CWF19L2: variants seen among roughly 807,000 people sequenced by gnomAD.
CWF19L2 encodes CWF19-like protein 2.
In CWF19L2, 98 loss-of-function variants were observed where a neutral mutation model predicts 111.7. That is an observed-to-expected ratio of 0.88 (90% confidence interval 0.75 to 1.04). CWF19L2 has a LOEUF of 1.04. CWF19L2 is among the 50% of genes least tolerant of loss of function. The probability of loss-of-function intolerance (pLI) is 0.00; values close to 1 mark genes in which losing one functional copy is unlikely to be tolerated. For synonymous variants in CWF19L2, 351 were observed against 342.9 expected (o/e 1.02, Z -0.26); for missense variants, 1,101 against 1,051.4 (o/e 1.05, Z -0.65).
In CWF19L2 at chr11:107,373,183, G is replaced by A. The variant is rs1447274328; in HGVS notation, c.1872+16891C>T. On this transcript the variant is annotated intron_variant, in intron 12 of 17. Transcript: ENST00000282251. ...TGAGATCAAACTGCAAGGCGGCAGC[G>A]AGGCTAGGGGAGGGGCGCCTGCCAT... Among the ~76,000 whole-genome samples, 10 of 128,692 alleles carry A rather than the reference G, an allele frequency of 7.8e-5. 2 individuals carry two copies. Among genetic ancestry groups the A allele is most frequent in the East Asian group, 6.7e-4 (3 of 4,452 alleles). The allele number at this position is 128,692 out of a possible 152,430, so 84.4% of individuals were successfully genotyped here. A position where few individuals can be genotyped will look rare whatever the true frequency, so the allele number is the denominator to read the frequency against.
At chr11:107,453,742 G>A (rs900571722) in intron 3 of CWF19L2, among the ~76,000 whole-genome samples, 4 of 151,330 alleles carry the variant, frequency 2.6e-5, no homozygotes, top group East Asian at 2.0e-4. Context: ...CCAGCCCCAC[G>A]CCTTGGCTCT....
intron 14 of CWF19L2, chr11:107,348,726 T>C (rs1860115712): frequency 6.7e-6 from 2 of 298,446 alleles, no homozygotes; most frequent in African/African-American, 4.4e-5. Context: ...GTTTATTTCG[T>C]AGATAAAAGG....
chr11:107,444,532 T>C (rs1435937357), intron 3 of CWF19L2, among the ~76,000 whole-genome samples: 1 of 152,228 alleles, frequency 6.6e-6, no homozygotes, highest in Non-Finnish European at 1.5e-5. Flanking sequence ...TCTTTGCCCA[T>C]GACATTTTTC....
chr11:107,385,587 T>C (rs930327727), intron 12 of CWF19L2, among the ~76,000 whole-genome samples: 4 of 152,260 alleles, frequency 2.6e-5, no homozygotes, highest in Non-Finnish European at 5.9e-5. Flanking sequence ...AGCAATCCTA[T>C]ACAATACAGT....
At chr11:107,411,089 G>GCGCACACACA (rs1491125517) in intron 10 of CWF19L2, among the ~76,000 whole-genome samples, 31 of 148,794 alleles carry the variant, frequency 2.1e-4, no homozygotes, top group African/African-American at 7.2e-4. Context: ...GCGCGTGCGT[G>GCGCACACACA]CACACACACA....
intron 12 of CWF19L2, among the ~76,000 whole-genome samples, chr11:107,364,369 C>T (rs111484765): frequency 2.0e-5 from 3 of 148,320 alleles, no homozygotes; most frequent in African/African-American, 7.6e-5. Context: ...ACAGAATATA[C>T]ATTTTTTTCA....
chr11:107,401,471 C>T (rs1324541563), intron 10 of CWF19L2, among the ~76,000 whole-genome samples: 1 of 151,750 alleles, frequency 6.6e-6, no homozygotes, highest in Non-Finnish European at 1.5e-5. Flanking sequence ...GTTACAATAG[C>T]TGCAAAAATA....
intron 10 of CWF19L2, among the ~76,000 whole-genome samples, chr11:107,396,773 G>A (rs1860928573): frequency 6.6e-6 from 1 of 152,130 alleles, no homozygotes; most frequent in South Asian, 2.1e-4. Flanking sequence ...AATCCCGAGA[G>A]GACCCACAGA....
chr11:107,330,609 CCT>C (rs10534114), intron 16 of CWF19L2, among the ~76,000 whole-genome samples: 2 of 148,502 alleles, frequency 1.3e-5, no homozygotes, highest in African/African-American at 2.5e-5. Context: ...TCCTTCCCTC[CCT>C]CTCTCTTTCT....
intron 13 of CWF19L2, among the ~76,000 whole-genome samples, chr11:107,349,444 G>A (rs1037916587): frequency 1.3e-5 from 2 of 152,138 alleles, no homozygotes; most frequent in African/African-American, 4.8e-5. Context: ...ACATGGCCTG[G>A]TAACGGTAGT....
At chr11:107,355,457 A>AC (rs1860223862) in intron 12 of CWF19L2, among the ~76,000 whole-genome samples, 1 of 152,082 alleles carries the variant, frequency 6.6e-6, no homozygotes, top group Admixed American at 6.6e-5. Context: ...AACAACAACA[A>AC]AAAACAAAAC....
rs186191827 is a variant in CWF19L2 at position 107,357,442 on chromosome 11, C to T, written c.1873-3706G>A. Among the ~76,000 whole-genome samples, 26 of 152,202 alleles carry T rather than the reference C, an allele frequency of 1.7e-4. No homozygotes were observed. The East Asian group carries it at 5.0e-3, about 29-fold the overall frequency. On this transcript the variant is annotated intron_variant, in intron 12 of 17. Transcript: ENST00000282251. ...ATAATTGTGCCTTCATATGATATAG[C>T]CCATTGTGTTTTTGGAAAGTTCATA...
intron 10 of CWF19L2, among the ~76,000 whole-genome samples, chr11:107,410,282 TA>T (rs145946143): frequency 7.3e-5 from 11 of 151,328 alleles, no homozygotes; most frequent in African/African-American, 2.2e-4. Context: ...CTCTGATTTC[TA>T]AAAAAAAACC....
At chr11:107,360,245 GATA>G (rs1860305076) in intron 12 of CWF19L2, among the ~76,000 whole-genome samples, 1 of 152,110 alleles carries the variant, frequency 6.6e-6, no homozygotes, top group Non-Finnish European at 1.5e-5. Flanking sequence ...TTTCACTTAA[GATA>G]ATGACTTCCA....
intron 12 of CWF19L2, among the ~76,000 whole-genome samples, chr11:107,385,445 G>T (rs979485741): frequency 6.6e-6 from 1 of 152,002 alleles, no homozygotes; most frequent in African/African-American, 2.4e-5. Context: ...GACTGAATGT[G>T]TATCAGCTGC....
chr11:107,359,533 T>A (rs1860291467), intron 12 of CWF19L2, among the ~76,000 whole-genome samples: 1 of 152,180 alleles, frequency 6.6e-6, no homozygotes, highest in African/African-American at 2.4e-5. Flanking sequence ...GGAGTGACTA[T>A]TACCCTTTGT....
intron 6 of CWF19L2, among the ~76,000 whole-genome samples, chr11:107,434,240 T>C (rs1861509100): frequency 2.0e-5 from 3 of 151,922 alleles, no homozygotes; most frequent in Non-Finnish European, 4.4e-5. Context: ...CTACCTCAGC[T>C]GCAGAACAAA....
intron 10 of CWF19L2, among the ~76,000 whole-genome samples, chr11:107,401,883 C>T (rs1861004718): frequency 6.6e-6 from 1 of 152,112 alleles, no homozygotes. Context: ...TAAAAATAGG[C>T]ATATGGACCA....
chr11:107,345,210 TTTTA>T (rs1421929115), intron 14 of CWF19L2, among the ~76,000 whole-genome samples: 8 of 150,204 alleles, frequency 5.3e-5, no homozygotes, highest in African/African-American at 7.4e-5. Context: ...GCTTATAAAC[TTTTA>T]TTTATTAAGA....
Sources: gnomAD v4.1 joint callset for allele counts (sites outside exome capture counted in the v4.1 genomes callset) on GRCh38, gnomAD v4.1.1 for gene constraint, MANE v1.5 for transcripts, NCBI Gene and HGNC (gene_info 2026-07-23, HGNC 2026-07-21) for gene names.